The following RHOU variants were observed in gnomAD, a reference collection of about 807,000 sequenced individuals.
The protein encoded by RHOU is rho-related GTP-binding protein RhoU.
In RHOU, 8 loss-of-function variants were observed where a neutral mutation model predicts 12.6. That is an observed-to-expected ratio of 0.64 (90% CI 0.37 to 1.15). The LOEUF (loss-of-function observed/expected upper bound fraction) is 1.15, where lower values mean the gene tolerates loss of function less well. Ranked by LOEUF, RHOU falls within the 50% of genes most tolerant of loss-of-function variation. RHOU has a pLI of 0.01. For missense variants in RHOU, 258 were observed against 347.0 expected, an observed-to-expected ratio of 0.74 and a Z score of 2.04; for synonymous variants, 161 against 147.4, an observed-to-expected ratio of 1.09 and a Z score of -0.67.
the RHOU span, among the ~76,000 whole-genome samples, chr1:228,703,480 C>A: frequency 6.6e-6 from 1 of 151,116 alleles, no homozygotes; most frequent in African/African-American, 2.4e-5. Context: ...GAGCTGAGAT[C>A]GCGCCACTGC....
chr1:228,727,634 T>C, the RHOU span, among the ~76,000 whole-genome samples: 2 of 152,200 alleles, frequency 1.3e-5, no homozygotes, highest in African/African-American at 4.8e-5. Context: ...TGACAACTAC[T>C]AGAATATGTG....
chr1:228,652,033 A>G, the RHOU span, among the ~76,000 whole-genome samples: 1 of 152,144 alleles, frequency 6.6e-6, no homozygotes, highest in Admixed American at 6.5e-5. Context: ...TTGGACTTTT[A>G]TAAGTATGAT....
the RHOU span, among the ~76,000 whole-genome samples, chr1:228,685,715 A>G: frequency 1.3e-5 from 2 of 152,218 alleles, no homozygotes; most frequent in African/African-American, 4.8e-5. Context: ...TATAGGTTAA[A>G]TGTATTTCTG....
the RHOU span, among the ~76,000 whole-genome samples, chr1:228,713,571 A>G: frequency 6.6e-6 from 1 of 152,098 alleles, no homozygotes; most frequent in Non-Finnish European, 1.5e-5. Flanking sequence ...GCCTCAAGCA[A>G]TCCTCCCACC....
chr1:228,727,000 C>T, the RHOU span, among the ~76,000 whole-genome samples: 679 of 152,256 alleles, frequency 4.5e-3, 2 homozygotes, highest in African/African-American at 0.016. Context: ...CTTTGCACAT[C>T]CCCTTGCCCT....
chr1:228,735,882 G>A lies in RHOU; in HGVS notation c.140G>A (p.Gly47Glu). The part of the protein sequence containing the change: ...GGRGRAGGAE[G>E]RGVKCVLVGD... Reference sequence around the variant, plus strand: ...CGGGGGCGTGCGGGGGGTGCCGAGGGGCGCGGCGTCAAGTGCGTGCTGGTC... The same window carrying A: ...CGGGGGCGTGCGGGGGGTGCCGAGGAGCGCGGCGTCAAGTGCGTGCTGGTC... Residue 47 changes from glycine (G) to glutamate (E), a missense_variant, in exon 1 of 3, where the codon GGG becomes GAG. Physicochemically the swap from Gly to Glu is moderately conservative, Grantham distance 98. Coordinates refer to ENST00000366691, the MANE Select transcript of RHOU (RefSeq NM_021205.6). This position sits in a 1 kb window ranked among gnomAD's most constrained non-coding sequence, Gnocchi z 8.1. 1.3e-6 allele frequency: 2 copies of A among 1,523,806 alleles called. No homozygotes were observed. The highest frequency in any genetic ancestry group is 1.8e-6 in the Non-Finnish European group (2 of 1,142,100). 94.4% of individuals were successfully genotyped at this position (1,523,806 alleles called of 1,614,324 possible).
the RHOU span, among the ~76,000 whole-genome samples, chr1:228,665,550 A>G: frequency 6.6e-6 from 1 of 152,140 alleles, no homozygotes; most frequent in South Asian, 2.1e-4. Context: ...GGAGTGGGGA[A>G]CAGTAATATA....
At chr1:228,724,121 T>G in the RHOU span, among the ~76,000 whole-genome samples, 1 of 152,238 alleles carries the variant, frequency 6.6e-6, no homozygotes, top group Non-Finnish European at 1.5e-5. Context: ...AAACATCAGC[T>G]TCGTGGAGTG....
chr1:228,718,510 C>T, the RHOU span, among the ~76,000 whole-genome samples: 1 of 152,062 alleles, frequency 6.6e-6, no homozygotes, highest in Admixed American at 6.6e-5. Context: ...CTTAGATATG[C>T]CCTTTGCCAG....
chr1:228,742,057 G>A (rs1031393788), intron 2 of RHOU, among the ~76,000 whole-genome samples: 21 of 152,188 alleles, frequency 1.4e-4, no homozygotes, highest in African/African-American at 4.8e-4. Flanking sequence ...GTAAATAATC[G>A]GAGTGTGTCA....
chr1:228,689,422 A>G, the RHOU span, among the ~76,000 whole-genome samples: 2 of 152,180 alleles, frequency 1.3e-5, no homozygotes, highest in African/African-American at 4.8e-5. Context: ...AGCTGTAATC[A>G]AGCTGAATCT....
At chr1:228,699,069 C>T in the RHOU span, among the ~76,000 whole-genome samples, 38 of 151,144 alleles carry the variant, frequency 2.5e-4, no homozygotes, top group African/African-American at 8.1e-4. Flanking sequence ...TATCCTCAGT[C>T]GGTGGGCTAT....
chr1:228,719,561 C>T, the RHOU span, among the ~76,000 whole-genome samples: 1 of 152,080 alleles, frequency 6.6e-6, no homozygotes, highest in Non-Finnish European at 1.5e-5. Flanking sequence ...GAAACCCCAC[C>T]TCTACTAAAA....
Position 228,737,699 on chromosome 1 carries a change from G to T in RHOU, c.289G>T (p.Val97Leu). ...GGTGGTGTCTGTGGATGGGCGGCCCGTGAGACTCCAACTCTGTGACACTGC... is the reference window on the plus strand; with the variant it reads ...GGTGGTGTCTGTGGATGGGCGGCCCTTGAGACTCCAACTCTGTGACACTGC... ...SAVVSVDGRP[V>L]RLQLCDTAGQ... The change falls in exon 2 of 3, where the codon GTG (valine) becomes TTG (leucine). Residue 97 changes from valine to leucine, a missense_variant. Transcript: ENST00000366691. The surrounding 1 kb of genome is among the most constrained non-coding windows in gnomAD (Gnocchi z 4.1). 1 of 1,614,174 alleles carries T rather than the reference G, an allele frequency of 6.2e-7. No homozygotes were observed. Among genetic ancestry groups the T allele is most frequent in the South Asian group, 1.1e-5 (1 of 91,082 alleles).
At chr1:228,659,670 T>G in the RHOU span, among the ~76,000 whole-genome samples, 6 of 151,714 alleles carry the variant, frequency 4.0e-5, no homozygotes, top group African/African-American at 1.5e-4. Flanking sequence ...TTGGGGACAT[T>G]ACTATCTGAT....
Position 228,743,279 on chromosome 1 carries a change from T to A in RHOU, c.322-6T>A. ...CATAACTTTTGGGTACTTTGCTTGG[T>A]TGCAGGATGAATTTGACAAGCTGAG... On this transcript the variant is annotated splice_polypyrimidine_tract_variant and splice_region_variant and intron_variant, in intron 2 of 2. Transcript: ENST00000366691. The surrounding 1 kb of genome is among the most constrained non-coding windows in gnomAD (Gnocchi z 5.1). 6.2e-7 allele frequency: 1 copy of A among 1,610,250 alleles called. No homozygotes were observed. The highest frequency in any genetic ancestry group is 1.1e-5 in the South Asian group (1 of 90,988).
chr1:228,662,482 C>G, the RHOU span, among the ~76,000 whole-genome samples: 1 of 152,118 alleles, frequency 6.6e-6, no homozygotes, highest in African/African-American at 2.4e-5. Flanking sequence ...ACATATACAC[C>G]ATGGAATACT....
At chr1:228,690,679 G>A in the RHOU span, among the ~76,000 whole-genome samples, 10 of 151,168 alleles carry the variant, frequency 6.6e-5, no homozygotes, top group African/African-American at 4.9e-5. Flanking sequence ...GTGCAGTGGC[G>A]TGATCTCGGC....
At chr1:228,705,504 T>C in the RHOU span, among the ~76,000 whole-genome samples, 1 of 151,112 alleles carries the variant, frequency 6.6e-6, no homozygotes, top group East Asian at 2.0e-4. Context: ...TAGCTAATGA[T>C]TTTTTTCCCC....
Sources: gnomAD v4.1 joint callset for allele counts (sites outside exome capture counted in the v4.1 genomes callset) on GRCh38, gnomAD v4.1.1 for gene constraint, Gnocchi (gnomAD v3.1) non-coding constraint, MANE v1.5 for transcripts, NCBI Gene and HGNC (gene_info 2026-07-23, HGNC 2026-07-21) for gene names.